Variants in GLG1 observed in about 807,000 individuals in gnomAD.
GLG1 encodes the protein golgi glycoprotein 1, also known as Golgi apparatus protein 1.
Under a neutral mutation model 160.5 loss-of-function variants are expected in GLG1, and 38 were observed. The ratio of observed to expected loss-of-function variants is 0.24; its 90% CI spans 0.18 to 0.31. The LOEUF is 0.31. GLG1 is among the 10% of genes least tolerant of loss of function. The probability of loss-of-function intolerance (pLI) is 1.00; values close to 1 mark genes in which losing one functional copy is unlikely to be tolerated. For missense variants in GLG1, 1,373 were observed against 1,505.2 expected (o/e 0.91, Z 1.45); for synonymous variants, 644 against 543.4 (o/e 1.19, Z -2.57).
intron 7 of GLG1, among the ~76,000 whole-genome samples, chr16:74,491,731 G>C (rs2015998121): frequency 7.0e-6 from 1 of 141,848 alleles, no homozygotes; most frequent in Non-Finnish European, 1.5e-5. Flanking sequence ...TCCGTCTCTT[G>C]GGTTCACGCC....
intron 1 of GLG1, among the ~76,000 whole-genome samples, chr16:74,593,676 C>T (rs1458013922): frequency 6.6e-6 from 1 of 152,076 alleles, no homozygotes; most frequent in Non-Finnish European, 1.5e-5. Context: ...CTCAGGTGAT[C>T]TGCCCGCCTC....
At chr16:74,462,327 C>T (rs1463305621) in intron 21 of GLG1, 132 bp from the exon 22 acceptor site, 2 of 814,010 alleles carry the variant, frequency 2.5e-6, no homozygotes, top group African/African-American at 1.8e-5. Flanking sequence ...CAAGAAAAAA[C>T]AAAATGCCTG....
intron 1 of GLG1, among the ~76,000 whole-genome samples, chr16:74,560,213 C>T (rs1175718870): frequency 1.3e-5 from 2 of 152,072 alleles, no homozygotes; most frequent in East Asian, 1.9e-4. Context: ...GGTCCCATTC[C>T]ATCAGTTGAA....
chr16:74,544,168 C>T (rs530590148), intron 1 of GLG1, among the ~76,000 whole-genome samples: 1 of 152,310 alleles, frequency 6.6e-6, no homozygotes, highest in African/African-American at 2.4e-5. Flanking sequence ...ACAAAGAAGA[C>T]TCCTAAGTAC....
intron 1 of GLG1, among the ~76,000 whole-genome samples, chr16:74,580,421 C>T (rs921394376): frequency 6.6e-6 from 1 of 152,240 alleles, no homozygotes; most frequent in Admixed American, 6.5e-5. Context: ...AGTGCTTGGG[C>T]CCAGGAGGTC....
intron 1 of GLG1, among the ~76,000 whole-genome samples, chr16:74,578,170 C>G (rs1188527632): frequency 6.6e-6 from 1 of 152,110 alleles, no homozygotes; most frequent in Non-Finnish European, 1.5e-5. Context: ...TTTTGAAAAA[C>G]TGTTTATTAT....
intron 1 of GLG1, among the ~76,000 whole-genome samples, chr16:74,559,976 T>C (rs2018462183): frequency 6.6e-6 from 1 of 152,222 alleles, no homozygotes; most frequent in Non-Finnish European, 1.5e-5. Flanking sequence ...TAGCTTACTT[T>C]ATATAGTGCA....
At chr16:74,468,122 G>T in intron 17 of GLG1, 1 of 301,344 alleles carries the variant, frequency 3.3e-6, no homozygotes, top group South Asian at 1.3e-4. Flanking sequence ...AATCACTTTG[G>T]AAAGTCAAAA....
At chr16:74,486,525 T>G (rs144270473) in intron 8 of GLG1, among the ~76,000 whole-genome samples, 1 of 152,246 alleles carries the variant, frequency 6.6e-6, no homozygotes, top group African/African-American at 2.4e-5. Flanking sequence ...TCATTCTAAG[T>G]ACATAGAAAA....
chr16:74,462,215 G>A lies in GLG1; in HGVS notation c.2935-20C>T. 1 of 1,315,328 alleles carries A rather than the reference G, an allele frequency of 7.6e-7. No individual in the cohort carries two copies. 81.5% of individuals were successfully genotyped at this position (1,315,328 alleles called of 1,614,324 possible). ...CAGGCGCTGCATGTGACAAAGGGAG[G>A]ATACATGGGCTGATCAGAAAACGAA... is the stretch of plus-strand genomic sequence containing the variant. On this transcript the variant is annotated intron_variant, in intron 21 of 25. Transcript: ENST00000422840.
intron 15 of GLG1, among the ~76,000 whole-genome samples, 178 bp downstream of exon 15, chr16:74,470,995 G>A (rs537149369): frequency 9.2e-5 from 14 of 151,888 alleles, no homozygotes; most frequent in South Asian, 2.1e-4. Context: ...GGCCTCAAGT[G>A]ATCCACCCAC....
chr16:74,521,191 G>T (rs1034750151), intron 2 of GLG1, among the ~76,000 whole-genome samples: 1 of 152,142 alleles, frequency 6.6e-6, no homozygotes, highest in Non-Finnish European at 1.5e-5. Context: ...AAGTAGAGGT[G>T]GCAAGGGGCA....
chr16:74,474,005 G>A (rs1347271049), intron 13 of GLG1, among the ~76,000 whole-genome samples: 1 of 151,990 alleles, frequency 6.6e-6, no homozygotes, highest in Non-Finnish European at 1.5e-5. Flanking sequence ...CCAGGCTGGA[G>A]TACAGTGGCG....
chr16:74,504,789 TG>T (rs1213158257), intron 3 of GLG1, among the ~76,000 whole-genome samples: 1 of 152,194 alleles, frequency 6.6e-6, no homozygotes, highest in Non-Finnish European at 1.5e-5. Context: ...TATGATCTAG[TG>T]GATCAGGCAC....
rs764541772 is a variant in GLG1, at chr16:74,452,357, T to C, written c.*810A>G. On this transcript the variant is annotated 3_prime_UTR_variant, in exon 26 of 26. Transcript: ENST00000422840. ...GATCCTGCTGCCCCGGGACTCAGGA[T>C]CCAGCCTCTCAGTGCAGATGGATGG... 4.2e-4 allele frequency: 573 copies of C among 1,364,528 alleles called. No homozygotes were observed. Among genetic ancestry groups the C allele is most frequent in the Non-Finnish European group, 5.2e-4 (553 of 1,055,214 alleles). The allele number at this position is 1,364,528 out of a possible 1,614,324, so 84.5% of individuals were successfully genotyped here. A position where few individuals can be genotyped will look rare whatever the true frequency, so the allele number is the denominator to read the frequency against.
chr16:74,600,443 G>C (rs1415276921), intron 1 of GLG1, among the ~76,000 whole-genome samples: 1 of 152,020 alleles, frequency 6.6e-6, no homozygotes, highest in African/African-American at 2.4e-5. Context: ...CCTTGCTTAA[G>C]AAAAGAGGCC....
chr16:74,469,930 C>G (rs962705646), intron 16 of GLG1, 55 bp downstream of exon 16: 1 of 1,119,258 alleles, frequency 8.9e-7, no homozygotes, highest in Non-Finnish European at 1.4e-6. Context: ...CATACTCATT[C>G]CGGAGCTAAG....
In GLG1 at chr16:74,527,361, C is replaced by G. The variant is rs185375781; in HGVS notation, c.471+4760G>C. On this transcript the variant is annotated intron_variant, in intron 2 of 25. Coordinates refer to ENST00000422840, the MANE Select transcript of GLG1 (RefSeq NM_001145667.2). ...ACCTCCCAGATTCAAGTGATTCTCACGCCTTGGCCTCCTGAGTAGCTGGGA... is the reference window on the plus strand; with the variant it reads ...ACCTCCCAGATTCAAGTGATTCTCAGGCCTTGGCCTCCTGAGTAGCTGGGA... Among the ~76,000 whole-genome samples the G allele has an allele frequency of 1.4e-3, 214 of 148,568 alleles. 1 individual carries two copies. In the South Asian group the frequency reaches 0.016, roughly 11 times the overall value.
chr16:74,450,026 T>G lies in GLG1; in HGVS notation c.*3141A>C, dbSNP rs2014225788. 1 of 152,362 alleles carries G rather than the reference T, an allele frequency of 6.6e-6. No homozygotes were observed. Among genetic ancestry groups the G allele is most frequent in the Non-Finnish European group, 1.5e-5 (1 of 68,180 alleles). 9.4% of individuals were successfully genotyped at this position (152,362 alleles called of 1,614,324 possible). On this transcript the variant is annotated 3_prime_UTR_variant, in exon 26 of 26. Transcript: ENST00000422840. ...TACCCCAGAGCCTCCAGCCTGGCAG[T>G]CCGGGCTCCAGGTACCTCTAGAGGG... is the stretch of plus-strand genomic sequence containing the variant.
Sources: allele counts gnomAD v4.1 joint callset (sites outside exome capture counted in the v4.1 genomes callset), GRCh38; gene constraint gnomAD v4.1.1; transcripts MANE v1.5; gene names NCBI Gene and HGNC (gene_info 2026-07-23, HGNC 2026-07-21).